The following UGT1A10 variants were observed in gnomAD, a reference collection of about 807,000 sequenced individuals.
UGT1A10 encodes UDP glucuronosyltransferase family 1 member A10.
UGT1A10 carries 49 observed loss-of-function variants against 45.8 expected under a neutral mutation model. The ratio of observed to expected loss-of-function variants is 1.07; its 90% CI spans 0.85 to 1.36. The LOEUF (loss-of-function observed/expected upper bound fraction) is 1.36, where lower values mean the gene tolerates loss of function less well. Ranked by LOEUF, UGT1A10 falls within the 40% of genes most tolerant of loss-of-function variation. The probability of loss-of-function intolerance (pLI) is 0.00; values close to 1 mark genes in which losing one functional copy is unlikely to be tolerated. For missense variants in UGT1A10, 745 were observed against 668.6 expected (o/e 1.11, Z -1.26); for synonymous variants, 284 against 249.7 (o/e 1.14, Z -1.29).
intron 1 of UGT1A10, among the ~76,000 whole-genome samples, chr2:233,700,703 TG>T (rs1389995736): frequency 6.6e-6 from 1 of 152,072 alleles, no homozygotes; most frequent in Non-Finnish European, 1.5e-5. Context: ...ACACTTTGAA[TG>T]TTTTTTTCTT....
chr2:233,716,533 C>T (rs1284629795), intron 1 of UGT1A10, among the ~76,000 whole-genome samples: 2 of 152,142 alleles, frequency 1.3e-5, no homozygotes, highest in South Asian at 2.1e-4. Flanking sequence ...TCAATTATCT[C>T]CTTTCTCTCC....
chr2:233,637,982 C>A (rs1228946687), intron 1 of UGT1A10, among the ~76,000 whole-genome samples: 1 of 151,980 alleles, frequency 6.6e-6, no homozygotes, highest in Non-Finnish European at 1.5e-5. Context: ...ATATATATAG[C>A]CATTTTCCAC....
In UGT1A10 at chr2:233,691,414, C is replaced by T. The variant is rs1302692454; in HGVS notation, c.855+54037C>T. ...GGGCCAGCCCTGTCCTTGGAGTGGCCCCTCTAATCATGTTGCTCAGGCTTC... is the reference window on the plus strand; with the variant it reads ...GGGCCAGCCCTGTCCTTGGAGTGGCTCCTCTAATCATGTTGCTCAGGCTTC... On this transcript the variant is annotated intron_variant, in intron 1 of 4. Transcript: ENST00000344644. The T allele has an allele frequency of 4.1e-6, 4 of 985,422 alleles. No homozygotes were observed. The East Asian group carries it at 4.5e-4, about 112-fold the overall frequency. The allele number at this position is 985,422 out of a possible 1,614,324, so 61.0% of individuals were successfully genotyped here. A position where few individuals can be genotyped will look rare whatever the true frequency, so the allele number is the denominator to read the frequency against.
At position 233,763,858 on chromosome 2, in the gene UGT1A10, C is replaced by T. The variant is rs577598991; in HGVS notation, c.856-3176C>T. ...GGGTAAGATAGCAGTGGTTCACAGA[C>T]AATCGCAATGCTGGGTCTGAGAAAA... On this transcript the variant is annotated intron_variant, in intron 1 of 4. Transcript: ENST00000344644. 5.1e-4 allele frequency among the ~76,000 whole-genome samples: 77 copies of T among 152,246 alleles called. 2 individuals carry two copies. The South Asian group carries it at 0.016, about 31-fold the overall frequency.
chr2:233,663,742 A>G (rs1575409768), intron 1 of UGT1A10, among the ~76,000 whole-genome samples: 1 of 152,306 alleles, frequency 6.6e-6, no homozygotes, highest in South Asian at 2.1e-4. Flanking sequence ...GGTTCAGTCT[A>G]TGTCCAGGAA....
intron 1 of UGT1A10, chr2:233,743,646 A>C (rs754114212): frequency 1.5e-6 from 2 of 1,367,250 alleles, no homozygotes; most frequent in Admixed American, 3.8e-5. Context: ...CGGAAGCTGA[A>C]GACGTACTCG....
intron 1 of UGT1A10, among the ~76,000 whole-genome samples, chr2:233,646,973 G>T (rs2073622575): frequency 6.6e-6 from 1 of 152,192 alleles, no homozygotes; most frequent in Non-Finnish European, 1.5e-5. Context: ...AAAGACAGAG[G>T]TTTAATTGAC....
At chr2:233,749,888 T>C (rs1316797004) in intron 1 of UGT1A10, among the ~76,000 whole-genome samples, 2 of 151,790 alleles carry the variant, frequency 1.3e-5, no homozygotes. Flanking sequence ...TTCCTGAGGC[T>C]CCCCCCTCCA....
chr2:233,746,554 C>T (rs567530423), intron 1 of UGT1A10, among the ~76,000 whole-genome samples: 1 of 151,860 alleles, frequency 6.6e-6, no homozygotes, highest in South Asian at 2.1e-4. Flanking sequence ...ACTTCTTAGC[C>T]CCTAGAGCAC....
At chr2:233,718,970 G>A (rs45510694) in intron 1 of UGT1A10, 3 of 1,614,194 alleles carry the variant, frequency 1.9e-6, no homozygotes, top group African/African-American at 1.3e-5. Context: ...CCTTGCGGGA[G>A]CTCCATGCCA....
At chr2:233,691,507 C>T in intron 1 of UGT1A10, 2 of 985,720 alleles carry the variant, frequency 2.0e-6, no homozygotes, top group Non-Finnish European at 2.4e-6. Flanking sequence ...AACTCGCGTG[C>T]CAGCCAGGTG....
chr2:233,743,660 G>A (rs1409299533), intron 1 of UGT1A10: 4 of 1,367,142 alleles, frequency 2.9e-6, no homozygotes, highest in East Asian at 4.5e-5. Context: ...GTACTCGAAG[G>A]GGTCCTCGAA....
intron 1 of UGT1A10, chr2:233,747,538 CATTTTCTAAAAGTATGGCAATTT>C (rs1393766304): frequency 6.2e-7 from 1 of 1,604,248 alleles, no homozygotes; most frequent in East Asian, 2.2e-5. Flanking sequence ...TTTCTGAAGA[CATTTTCTAAAAGTATGGCAATTT>C]TGAAAAATTC....
chr2:233,649,629 C>G (rs17868315), intron 1 of UGT1A10, among the ~76,000 whole-genome samples: 5,920 of 152,228 alleles, frequency 0.039, 153 homozygotes, highest in African/African-American at 0.064. Context: ...TTGACATGTT[C>G]TTTTAATAAT....
At chr2:233,697,583 G>T in intron 1 of UGT1A10, among the ~76,000 whole-genome samples, 1 of 146,206 alleles carries the variant, frequency 6.8e-6, no homozygotes, top group Non-Finnish European at 1.5e-5. Flanking sequence ...TTTTTTCCCT[G>T]ATCTTTATTA....
rs113470021 is a variant in UGT1A10, at chr2:233,648,080, C to T, written c.855+10703C>T. On this transcript the variant is annotated intron_variant, in intron 1 of 4. Transcript: ENST00000344644. Reference sequence around the variant, plus strand: ...GTGAAGACTTCTTCAACCTTATACACCCTGGAGGATCTGGACCAGGAGTTC... The same window carrying T: ...GTGAAGACTTCTTCAACCTTATACATCCTGGAGGATCTGGACCAGGAGTTC... The T allele has an allele frequency of 1.9e-4, 292 of 1,526,886 alleles. No homozygotes were observed. In the African/African-American group the frequency reaches 3.5e-3, roughly 19 times the overall value. The allele number at this position is 1,526,886 out of a possible 1,614,324, so 94.6% of individuals were successfully genotyped here.
At chr2:233,648,719 C>T (rs529199576) in intron 1 of UGT1A10, 8 of 460,734 alleles carry the variant, frequency 1.7e-5, no homozygotes, top group East Asian at 1.6e-4. Context: ...CCGCCTTGGC[C>T]TCCCAAAGTG....
At chr2:233,679,297 C>T (rs2074448168) in intron 1 of UGT1A10, among the ~76,000 whole-genome samples, 1 of 152,168 alleles carries the variant, frequency 6.6e-6, no homozygotes, top group Admixed American at 6.5e-5. Flanking sequence ...ACGGACAAAG[C>T]CTTGATGGAA....
intron 1 of UGT1A10, among the ~76,000 whole-genome samples, chr2:233,735,584 T>C (rs2078671129): frequency 6.6e-6 from 1 of 152,234 alleles, no homozygotes; most frequent in Admixed American, 6.5e-5. Context: ...GCCCGTTAAT[T>C]GATGCAGTTT....
Sources: allele counts gnomAD v4.1 joint callset (sites outside exome capture counted in the v4.1 genomes callset), GRCh38; gene constraint gnomAD v4.1.1; transcripts MANE v1.5; gene names NCBI Gene and HGNC (gene_info 2026-07-23, HGNC 2026-07-21).